The following NBEA variants were observed in gnomAD, a reference collection of about 807,000 sequenced individuals.
The protein encoded by NBEA is neurobeachin.
NBEA carries 44 observed loss-of-function variants against 343.4 expected under a neutral mutation model. That is an observed-to-expected ratio of 0.13 (90% confidence interval 0.10 to 0.16). The LOEUF (loss-of-function observed/expected upper bound fraction) is 0.16. NBEA is among the 10% of genes least tolerant of loss of function. The pLI is 1.00. For missense variants in NBEA, 2,555 were observed against 3,631.3 expected, an observed-to-expected ratio of 0.70 and a Z score of 7.62; for synonymous variants, 1,175 against 1,238.7, an observed-to-expected ratio of 0.95 and a Z score of 1.08.
intron 35 of NBEA, among the ~76,000 whole-genome samples, chr13:35,295,827 G>A (rs190942263): frequency 4.1e-4 from 63 of 152,234 alleles, no homozygotes; most frequent in East Asian, 1.9e-3. Context: ...AAGATTTAAA[G>A]AGCATATAAT....
intron 48 of NBEA, among the ~76,000 whole-genome samples, chr13:35,619,217 T>A (rs1158994974): frequency 2.0e-5 from 3 of 151,984 alleles, no homozygotes; most frequent in Non-Finnish European, 4.4e-5. Flanking sequence ...AAGATAGACA[T>A]CTTGTGTTTG....
intron 36 of NBEA, among the ~76,000 whole-genome samples, chr13:35,313,107 T>A (rs528737724): frequency 6.6e-6 from 1 of 152,300 alleles, no homozygotes; most frequent in Non-Finnish European, 1.5e-5. Flanking sequence ...CTCCTGTTTC[T>A]GCTGGGAATC....
chr13:35,019,440 G>A (rs1432448841), intron 1 of NBEA, among the ~76,000 whole-genome samples: 1 of 151,888 alleles, frequency 6.6e-6, no homozygotes, highest in East Asian at 1.9e-4. Context: ...TGGGATTATA[G>A]GCGGACACCA....
chr13:35,644,031 G>T (rs1489696779), intron 49 of NBEA, among the ~76,000 whole-genome samples: 3 of 152,210 alleles, frequency 2.0e-5, no homozygotes, highest in African/African-American at 7.2e-5. Flanking sequence ...GAGACAGCAT[G>T]CTTTTCAAGA....
At chr13:34,989,844 C>T (rs1287573082) in intron 1 of NBEA, among the ~76,000 whole-genome samples, 1 of 150,938 alleles carries the variant, frequency 6.6e-6, no homozygotes, top group Non-Finnish European at 1.5e-5. Context: ...AGTTAGTTAC[C>T]TCCAAGATAC....
chr13:35,179,367 C>T (rs1410006466), intron 28 of NBEA, among the ~76,000 whole-genome samples: 1 of 151,372 alleles, frequency 6.6e-6, no homozygotes, highest in African/African-American at 2.4e-5. Flanking sequence ...ACCGGAGAAA[C>T]ATTATATAGC....
chr13:35,157,074 C>A lies in NBEA; in HGVS notation c.2652-4C>A. 6.5e-7 allele frequency: 1 copy of A among 1,532,250 alleles called. No individual in the cohort carries two copies. The highest frequency in any genetic ancestry group is 8.8e-7 in the Non-Finnish European group (1 of 1,141,482). 94.9% of individuals were successfully genotyped at this position (1,532,250 alleles called of 1,614,324 possible). On this transcript the variant is annotated splice_polypyrimidine_tract_variant and splice_region_variant and intron_variant, in intron 20 of 58. Transcript: ENST00000379939. ...TTAATGAGATCAAATTTTTTTCTCC[C>A]TAGATGCTTATTGCAGTGTTCAGTG...
At chr13:35,103,491 G>C (rs1192545132) in intron 11 of NBEA, among the ~76,000 whole-genome samples, 1 of 150,796 alleles carries the variant, frequency 6.6e-6, no homozygotes, top group Admixed American at 6.6e-5. Context: ...TTCTGTCCCA[G>C]TGATTAATCC....
At chr13:35,384,529 T>A (rs1373147629) in intron 38 of NBEA, among the ~76,000 whole-genome samples, 2 of 149,122 alleles carry the variant, frequency 1.3e-5, no homozygotes, top group Admixed American at 6.7e-5. Flanking sequence ...ATCTTTTTTT[T>A]TTTTTTTTTT....
At chr13:35,296,310 G>A (rs1312805051) in intron 35 of NBEA, among the ~76,000 whole-genome samples, 1 of 151,696 alleles carries the variant, frequency 6.6e-6, no homozygotes, top group African/African-American at 2.4e-5. Flanking sequence ...GATCCCGGGA[G>A]GTGGAGGTTG....
intron 38 of NBEA, among the ~76,000 whole-genome samples, chr13:35,366,022 G>T (rs1219057318): frequency 1.3e-5 from 2 of 151,620 alleles, no homozygotes; most frequent in East Asian, 1.9e-4. Context: ...GTATTTTGAA[G>T]TCATCTGTCA....
chr13:35,040,042 A>G (rs1217269470), intron 1 of NBEA, among the ~76,000 whole-genome samples: 2 of 152,160 alleles, frequency 1.3e-5, no homozygotes, highest in East Asian at 1.9e-4. Context: ...TAATTTATTA[A>G]GGAATCAATG....
intron 1 of NBEA, among the ~76,000 whole-genome samples, chr13:35,020,629 G>A (rs919460337): frequency 6.6e-6 from 1 of 152,056 alleles, no homozygotes; most frequent in East Asian, 1.9e-4. Flanking sequence ...AGCAATTCTC[G>A]TGCCTCAGCC....
chr13:35,362,458 A>G (rs116823443), intron 38 of NBEA, among the ~76,000 whole-genome samples: 1,672 of 152,052 alleles, frequency 0.011, 29 homozygotes, highest in African/African-American at 0.038. Context: ...CAATTTTTAT[A>G]TAATATAAAA....
intron 34 of NBEA, among the ~76,000 whole-genome samples, chr13:35,269,954 T>C (rs533816476): frequency 6.6e-6 from 1 of 152,284 alleles, no homozygotes; most frequent in South Asian, 2.1e-4. Flanking sequence ...TTGAGGGAAA[T>C]GTAAATGGAA....
chr13:35,115,973 T>A (rs555196944), intron 13 of NBEA, among the ~76,000 whole-genome samples: 1 of 152,198 alleles, frequency 6.6e-6, no homozygotes, highest in East Asian at 1.9e-4. Flanking sequence ...ATAAGGAAAT[T>A]ATTACTAAGA....
chr13:34,955,325 T>TA (rs1186376053), intron 1 of NBEA, among the ~76,000 whole-genome samples: 4 of 152,032 alleles, frequency 2.6e-5, no homozygotes, highest in Non-Finnish European at 4.4e-5. Context: ...CTTGGGTACA[T>TA]AAAAGAGTAA....
At chr13:35,567,717 T>C (rs762482563) in intron 45 of NBEA, among the ~76,000 whole-genome samples, 8 of 152,218 alleles carry the variant, frequency 5.3e-5, no homozygotes, top group Non-Finnish European at 7.3e-5. Flanking sequence ...TGTATCTCTG[T>C]TTTCTATCAG....
chr13:35,172,189 C>T (rs2070514723), intron 26 of NBEA, among the ~76,000 whole-genome samples: 1 of 151,922 alleles, frequency 6.6e-6, no homozygotes, highest in African/African-American at 2.4e-5. Flanking sequence ...AAGATTATGT[C>T]AAAAATTCCT....
Sources: gnomAD v4.1 joint callset for allele counts (sites outside exome capture counted in the v4.1 genomes callset) on GRCh38, gnomAD v4.1.1 for gene constraint, MANE v1.5 for transcripts, NCBI Gene and HGNC (gene_info 2026-07-23, HGNC 2026-07-21) for gene names.